PLPP4: variants seen among roughly 807,000 people sequenced by gnomAD.
PLPP4 encodes the protein phospholipid phosphatase 4.
Under a neutral mutation model 32.2 loss-of-function variants are expected in PLPP4, and 20 were observed. The ratio of observed to expected loss-of-function variants is 0.62; its 90% CI spans 0.44 to 0.90. The LOEUF is 0.90. Ranked by LOEUF, PLPP4 falls within the 40% of genes least tolerant of loss-of-function variation. PLPP4 has a pLI of 0.00. For missense variants in PLPP4, 257 were observed against 353.1 expected, an observed-to-expected ratio of 0.73 and a Z score of 2.18; for synonymous variants, 127 against 133.0, an observed-to-expected ratio of 0.95 and a Z score of 0.31.
intron 1 of PLPP4, among the ~76,000 whole-genome samples, chr10:120,459,459 C>A (rs1847943893): frequency 6.6e-6 from 1 of 152,150 alleles, no homozygotes. Flanking sequence ...AAACAGATGA[C>A]CCTTTGTTTT....
intron 1 of PLPP4, among the ~76,000 whole-genome samples, chr10:120,493,861 C>T (rs1844832135): frequency 1.3e-5 from 2 of 152,130 alleles, no homozygotes. Context: ...GAGTACACTG[C>T]ACGCCATGCA....
chr10:120,489,087 C>T (rs1357088624), intron 1 of PLPP4, among the ~76,000 whole-genome samples: 1 of 152,298 alleles, frequency 6.6e-6, no homozygotes, highest in Non-Finnish European at 1.5e-5. Flanking sequence ...CTGAAGATGA[C>T]GTCTCATTTA....
chr10:120,491,213 T>C (rs1168098928), intron 1 of PLPP4, among the ~76,000 whole-genome samples: 1 of 152,180 alleles, frequency 6.6e-6, no homozygotes, highest in African/African-American at 2.4e-5. Context: ...AGGTGAATTC[T>C]GCAGATTTCC....
intron 1 of PLPP4, among the ~76,000 whole-genome samples, chr10:120,489,239 T>C (rs1844599589): frequency 6.6e-6 from 1 of 152,170 alleles, no homozygotes; most frequent in South Asian, 2.1e-4. Flanking sequence ...CGTTGGAGAA[T>C]TGGTGGTGAT....
intron 1 of PLPP4, among the ~76,000 whole-genome samples, chr10:120,479,142 C>T (rs556105816): frequency 4.1e-4 from 63 of 152,096 alleles, no homozygotes; most frequent in Non-Finnish European, 8.7e-4. Context: ...AGGAGAATGG[C>T]GTGAACCCGG....
intron 5 of PLPP4, among the ~76,000 whole-genome samples, chr10:120,574,168 A>ACACACACTCTCTCT: frequency 2.1e-5 from 1 of 47,120 alleles, no homozygotes; most frequent in Non-Finnish European, 4.1e-5. Flanking sequence ...ACACACACAC[A>ACACACACTCTCTCT]CTCTCTCTCT....
At chr10:120,542,714 C>G (rs376196620) in intron 5 of PLPP4, among the ~76,000 whole-genome samples, 1 of 152,156 alleles carries the variant, frequency 6.6e-6, no homozygotes, top group Non-Finnish European at 1.5e-5. Context: ...ATTCCGCAGG[C>G]GCTGCTGAGT....
chr10:120,481,195 A>G (rs1432609245), intron 1 of PLPP4, among the ~76,000 whole-genome samples: 1 of 152,198 alleles, frequency 6.6e-6, no homozygotes, highest in Non-Finnish European at 1.5e-5. Context: ...CCTGTAGGCC[A>G]TCCAGGAGTG....
chr10:120,466,626 A>T (rs1848329333), intron 1 of PLPP4, among the ~76,000 whole-genome samples: 1 of 152,144 alleles, frequency 6.6e-6, no homozygotes, highest in Non-Finnish European at 1.5e-5. Flanking sequence ...TTCTTTGTGT[A>T]TGCTATTTTT....
At chr10:120,520,457 T>C (rs1846104159) in intron 4 of PLPP4, among the ~76,000 whole-genome samples, 1 of 152,244 alleles carries the variant, frequency 6.6e-6, no homozygotes, top group African/African-American at 2.4e-5. Context: ...TTTATCGTTC[T>C]CTTCAGGCTG....
intron 1 of PLPP4, among the ~76,000 whole-genome samples, chr10:120,494,040 C>T (rs1455324665): frequency 6.6e-6 from 1 of 152,188 alleles, no homozygotes; most frequent in Non-Finnish European, 1.5e-5. Context: ...TAAGCAGAAA[C>T]TGTGCCTGGT....
chr10:120,508,722 G>A (rs1485661532), intron 2 of PLPP4, among the ~76,000 whole-genome samples: 1 of 152,262 alleles, frequency 6.6e-6, no homozygotes, highest in South Asian at 2.1e-4. Flanking sequence ...GTCGTTTAGG[G>A]TATGGTCAGG....
intron 5 of PLPP4, among the ~76,000 whole-genome samples, chr10:120,555,508 T>C (rs61871756): frequency 0.21 from 31,337 of 152,146 alleles, 3,246 homozygotes; most frequent in Admixed American, 0.23. Flanking sequence ...GCATCCATAC[T>C]TTTTAGTTTA....
At chr10:120,523,401 G>GA (rs1846252067) in intron 5 of PLPP4, among the ~76,000 whole-genome samples, 1 of 152,076 alleles carries the variant, frequency 6.6e-6, no homozygotes, top group South Asian at 2.1e-4. Flanking sequence ...CTCTAAACAT[G>GA]TTTTTTTCCT....
At chr10:120,509,285 A>G (rs1845630073) in intron 2 of PLPP4, among the ~76,000 whole-genome samples, 2 of 152,186 alleles carry the variant, frequency 1.3e-5, no homozygotes, top group Non-Finnish European at 2.9e-5. Context: ...AGAATCAAAG[A>G]GGTTACATGA....
intron 5 of PLPP4, among the ~76,000 whole-genome samples, chr10:120,532,503 G>A (rs148414008): frequency 4.4e-4 from 67 of 152,060 alleles, no homozygotes; most frequent in Non-Finnish European, 8.5e-4. Flanking sequence ...ATGGTTTATG[G>A]TATATGTTTT....
intron 1 of PLPP4, among the ~76,000 whole-genome samples, chr10:120,474,831 C>G (rs1843823358): frequency 6.6e-6 from 1 of 152,176 alleles, no homozygotes; most frequent in South Asian, 2.1e-4. Flanking sequence ...GCAATTTACT[C>G]CTTGACTATT....
intron 6 of PLPP4, among the ~76,000 whole-genome samples, chr10:120,577,424 C>T (rs893187187): frequency 1.3e-5 from 2 of 152,176 alleles, no homozygotes; most frequent in African/African-American, 4.8e-5. Flanking sequence ...GGTAGTGTAA[C>T]ATGGCCAGAG....
chr10:120,564,076 A>T (rs1848573368), intron 5 of PLPP4, among the ~76,000 whole-genome samples: 1 of 152,004 alleles, frequency 6.6e-6, no homozygotes, highest in South Asian at 2.1e-4. Context: ...CAGTGCAATA[A>T]TGCTCATCTT....
Sources: allele counts gnomAD v4.1 joint callset (sites outside exome capture counted in the v4.1 genomes callset), GRCh38; gene constraint gnomAD v4.1.1; transcripts MANE v1.5; gene names NCBI Gene and HGNC (gene_info 2026-07-23, HGNC 2026-07-21).